The following CCDC171 variants were observed in gnomAD, a reference collection of about 807,000 sequenced individuals.
CCDC171 encodes coiled-coil domain-containing protein 171.
A neutral mutation model predicts 168.2 loss-of-function variants in CCDC171; 177 were observed. That is an observed-to-expected ratio of 1.05 (90% CI 0.93 to 1.19). The LOEUF (loss-of-function observed/expected upper bound fraction) is 1.19, where lower values mean the gene tolerates loss of function less well. Ranked by LOEUF, CCDC171 falls within the 50% of genes most tolerant of loss-of-function variation. The pLI, the probability that CCDC171 is intolerant of heterozygous loss-of-function variation, is 0.00. For synonymous variants in CCDC171, 687 were observed against 540.8 expected (o/e 1.27, Z -3.75); for missense variants, 1,991 against 1,539.0 (o/e 1.29, Z -4.91).
intron 25 of CCDC171, among the ~76,000 whole-genome samples, chr9:15,939,616 T>C (rs1293422182): frequency 6.6e-6 from 1 of 152,038 alleles, no homozygotes; most frequent in Non-Finnish European, 1.5e-5. Context: ...CTATCTCATA[T>C]GGATACCTCA....
At chr9:15,571,380 A>G (rs764702756) in intron 2 of CCDC171, among the ~76,000 whole-genome samples, 2 of 152,188 alleles carry the variant, frequency 1.3e-5, no homozygotes, top group African/African-American at 2.4e-5. Flanking sequence ...AGCAATCTTG[A>G]ATAATGTGGT....
intron 11 of CCDC171, among the ~76,000 whole-genome samples, chr9:15,701,427 A>AG (rs2133882410): frequency 6.6e-6 from 1 of 152,236 alleles, no homozygotes; most frequent in East Asian, 1.9e-4. Flanking sequence ...ATACAGGAAG[A>AG]GGGGTCTACT....
At chr9:15,664,768 G>A (rs1163566466) in intron 8 of CCDC171, among the ~76,000 whole-genome samples, 3 of 143,470 alleles carry the variant, frequency 2.1e-5, no homozygotes, top group Middle Eastern at 3.4e-3. Flanking sequence ...GCGTGATCTC[G>A]GCTCACTGCA....
intron 6 of CCDC171, among the ~76,000 whole-genome samples, chr9:15,609,409 T>A (rs1274208351): frequency 1.3e-5 from 2 of 152,270 alleles, no homozygotes; most frequent in African/African-American, 4.8e-5. Context: ...GCACTTGGCC[T>A]AGTTTTAAAT....
At chr9:16,006,082 G>A (rs1437828322) in intron 3 of CCDC171, among the ~76,000 whole-genome samples, 2 of 152,000 alleles carry the variant, frequency 1.3e-5, no homozygotes, top group South Asian at 2.1e-4. Context: ...GGCTGGTCTC[G>A]AACTCCTGAC....
In CCDC171 at chr9:15,632,747, C is replaced by T. The variant is rs184920061; in HGVS notation, c.822+9334C>T. On this transcript the variant is annotated intron_variant, in intron 7 of 25. Coordinates refer to ENST00000380701, the MANE Select transcript of CCDC171 (RefSeq NM_173550.4). ...TAAGCCAAAAGAACAAAGCTGGAGA[C>T]ATCATGCTACCTGACTTCAAACTAT... Among the ~76,000 whole-genome samples, 562 of 152,300 alleles carry T rather than the reference C, an allele frequency of 3.7e-3. 5 individuals are homozygous for T. Among genetic ancestry groups the T allele is most frequent in the Middle Eastern group, 6.8e-3 (2 of 294 alleles).
At chr9:15,683,060 AT>A (rs1035647365) in intron 10 of CCDC171, among the ~76,000 whole-genome samples, 1 of 151,790 alleles carries the variant, frequency 6.6e-6, no homozygotes, top group African/African-American at 2.4e-5. Context: ...CTTCAATGAA[AT>A]TTTCTTAAGT....
In CCDC171 at chr9:15,744,558, G is replaced by C. The variant is rs371506012; in HGVS notation, c.2335G>C (p.Val779Leu). 12 of 1,614,176 alleles carry C rather than the reference G, an allele frequency of 7.4e-6. No homozygotes were observed. The African/African-American group carries it at 1.3e-4, about 18-fold the overall frequency. ...AACTCTAGCCCAGGCTTTGTCAACT[G>C]TAGAGGAAAAGAAGCAAGAGGAAGC... ...IRTLAQALST[V>L]EEKKQEEAKM... is the part of the protein sequence containing the mutation. Residue 779 changes from valine to leucine, a missense_variant, in exon 17 of 26, where the codon GTA becomes CTA. Transcript: ENST00000380701.
the CCDC171 span, among the ~76,000 whole-genome samples, chr9:16,098,284 G>A: frequency 2.0e-4 from 30 of 152,216 alleles, no homozygotes; most frequent in South Asian, 6.2e-3. Context: ...ATGAACATGT[G>A]CTTTAAAGTG....
chr9:15,977,348 T>C (rs2132856435), downstream of CCDC171, among the ~76,000 whole-genome samples: 1 of 152,322 alleles, frequency 6.6e-6, no homozygotes, highest in Non-Finnish European at 1.5e-5. Context: ...AAATGTGTTC[T>C]TACTCTTTGC....
At chr9:15,888,334 A>C (rs1264125215) in intron 24 of CCDC171, among the ~76,000 whole-genome samples, 1 of 152,148 alleles carries the variant, frequency 6.6e-6, no homozygotes, top group African/African-American at 2.4e-5. Flanking sequence ...ATGTGCCTTC[A>C]AAAAAATAAA....
chr9:16,041,622 A>G (rs1397873695), upstream of CCDC171, among the ~76,000 whole-genome samples: 2 of 152,218 alleles, frequency 1.3e-5, no homozygotes, highest in Admixed American at 1.3e-4. Flanking sequence ...CTTAGTGAAT[A>G]TCACTTAACC....
the CCDC171 span, among the ~76,000 whole-genome samples, chr9:16,091,511 G>T: frequency 6.6e-6 from 1 of 152,138 alleles, no homozygotes. Context: ...AAATGCTCTG[G>T]GACAACTGGT....
At chr9:15,827,645 A>G (rs1588715211) in intron 21 of CCDC171, among the ~76,000 whole-genome samples, 1 of 152,256 alleles carries the variant, frequency 6.6e-6, no homozygotes, top group Non-Finnish European at 1.5e-5. Flanking sequence ...AAAAGTTTCC[A>G]TGTATCTGAT....
At chr9:15,717,065 A>T (rs1215335942) in intron 11 of CCDC171, among the ~76,000 whole-genome samples, 1 of 152,190 alleles carries the variant, frequency 6.6e-6, no homozygotes, top group African/African-American at 2.4e-5. Context: ...TTTAAACTTC[A>T]TATCACTGAA....
rs2049848831 is a variant in CCDC171 at position 15,679,023 on chromosome 9, A to C, written c.1215+127A>C. ...AAGTTATTTTAGTGACATTGATAAC[A>C]AAATTTCCAAAACTGGAAATGCTGA... On this transcript the variant is annotated intron_variant, in intron 10 of 25. Coordinates refer to ENST00000380701, the MANE Select transcript of CCDC171 (RefSeq NM_173550.4). 4.7e-6 allele frequency: 3 copies of C among 641,062 alleles called. No individual in the cohort carries two copies. In the East Asian group the frequency reaches 1.0e-4, roughly 22 times the overall value. The allele number at this position is 641,062 out of a possible 1,614,324, so 39.7% of individuals were successfully genotyped here. A position where few individuals can be genotyped will look rare whatever the true frequency, so the allele number is the denominator to read the frequency against.
intron 7 of CCDC171, among the ~76,000 whole-genome samples, chr9:15,649,784 T>C (rs1183039279): frequency 6.6e-6 from 1 of 152,078 alleles, no homozygotes; most frequent in Admixed American, 6.6e-5. Flanking sequence ...AATAGGAGCA[T>C]TTTTACACTG....
At chr9:15,938,673 G>A (rs1827373310) in intron 25 of CCDC171, among the ~76,000 whole-genome samples, 1 of 151,830 alleles carries the variant, frequency 6.6e-6, no homozygotes, top group Non-Finnish European at 1.5e-5. Flanking sequence ...AGAAATAGCT[G>A]TCTTTCCCAG....
intron 23 of CCDC171, among the ~76,000 whole-genome samples, chr9:15,857,144 G>A (rs1354356630): frequency 1.3e-5 from 2 of 151,840 alleles, no homozygotes; most frequent in African/African-American, 4.8e-5. Flanking sequence ...TGGTTTGCAA[G>A]TATTTTCTCT....
Sources: allele counts gnomAD v4.1 joint callset (sites outside exome capture counted in the v4.1 genomes callset), GRCh38; gene constraint gnomAD v4.1.1; transcripts MANE v1.5; gene names NCBI Gene and HGNC (gene_info 2026-07-23, HGNC 2026-07-21).